The following ABCB11 variants were observed in gnomAD, a reference collection of about 807,000 sequenced individuals.
ABCB11 encodes the protein ATP binding cassette subfamily B member 11.
In ABCB11, 95 loss-of-function variants were observed where a neutral mutation model predicts 148.0. That is an observed-to-expected ratio of 0.64 (90% CI 0.54 to 0.76). ABCB11 has a LOEUF of 0.76. ABCB11 is among the 30% of genes least tolerant of loss of function. ABCB11 has a pLI of 0.00. For synonymous variants in ABCB11, 591 were observed against 555.4 expected, an observed-to-expected ratio of 1.06 and a Z score of -0.90; for missense variants, 1,523 against 1,617.8, an observed-to-expected ratio of 0.94 and a Z score of 1.01.
rs202231169 is a variant in ABCB11, at chr2:168,967,692, G to GA, written c.2075+734dup. Among the ~76,000 whole-genome samples, 701 of 151,128 alleles carry GA rather than the reference G, an allele frequency of 4.6e-3. 5 individuals are homozygous for GA. Among genetic ancestry groups the GA allele is most frequent in the African/African-American group, 0.016 (665 of 41,304 alleles). The stretch of plus-strand genomic sequence containing the variant: ...GCCTTTTAAAAATCTTCTGACTTAA[G>GA]AAAAAAAAATCTTGAATAACAGTTA... On this transcript the variant is annotated intron_variant, in intron 17 of 27. Coordinates refer to ENST00000650372, the MANE Select transcript of ABCB11 (RefSeq NM_003742.4).
rs778040359 is a variant in ABCB11, at chr2:168,958,089, G to A, written c.2218C>T (p.Pro740Ser). Residue 740 changes from proline (P) to serine (S), a missense_variant, in exon 19 of 28, where the codon CCA becomes TCA. Pro to Ser is a moderately conservative substitution (Grantham distance 74). Coordinates refer to ENST00000650372, the MANE Select transcript of ABCB11 (RefSeq NM_003742.4). The stretch of plus-strand genomic sequence containing the variant: ...CTGAATTTCAGAATCCTCCTAACTG[G>A]GGCAGGTTCAACTTCTTCCTGCACA... ...IPVQEEVEPA[P>S]VRRILKFSAP... is the part of the protein sequence containing the mutation. 2.5e-6 allele frequency: 4 copies of A among 1,611,100 alleles called. No homozygotes were observed. In the Admixed American group the frequency reaches 5.0e-5, roughly 20 times the overall value.
rs1691063582 is a variant in ABCB11, at chr2:168,921,119, A to G, written c.*2503T>C. On this transcript the variant is annotated 3_prime_UTR_variant, in exon 28 of 28. Coordinates refer to ENST00000650372, the MANE Select transcript of ABCB11 (RefSeq NM_003742.4). Reference sequence around the variant, plus strand: ...CAAACCTTAATTTCCTCTAAAAGGCATCTTTACTCTGCAACTTACTCGTCA... The same window carrying G: ...CAAACCTTAATTTCCTCTAAAAGGCGTCTTTACTCTGCAACTTACTCGTCA... 6.6e-6 allele frequency among the ~76,000 whole-genome samples: 1 copy of G among 152,178 alleles called. No homozygotes were observed. Among genetic ancestry groups the G allele is most frequent in the Non-Finnish European group, 1.5e-5 (1 of 68,028 alleles).
chr2:169,016,346 T>C (rs559856582), intron 3 of ABCB11, among the ~76,000 whole-genome samples: 1 of 152,342 alleles, frequency 6.6e-6, no homozygotes, highest in African/African-American at 2.4e-5. Flanking sequence ...TAATCCCGCC[T>C]TCATACCAGA....
intron 11 of ABCB11, among the ~76,000 whole-genome samples, chr2:168,979,361 C>T (rs1286953908): frequency 6.6e-6 from 1 of 152,134 alleles, no homozygotes; most frequent in East Asian, 1.9e-4. Flanking sequence ...GCTACCTCCT[C>T]AGAGATACTG....
chr2:169,003,638 G>C (rs1485415978), intron 5 of ABCB11, among the ~76,000 whole-genome samples: 22 of 152,020 alleles, frequency 1.4e-4, no homozygotes, highest in Non-Finnish European at 2.9e-5. Context: ...TCAAACGGTA[G>C]ATCTACGTTT....
intron 5 of ABCB11, among the ~76,000 whole-genome samples, chr2:168,999,843 A>G (rs565162302): frequency 1.3e-5 from 2 of 152,248 alleles, no homozygotes; most frequent in Non-Finnish European, 2.9e-5. Context: ...AATCCCCAAG[A>G]GTAGAAATGC....
chr2:168,977,800 C>T (rs7586497), intron 11 of ABCB11, among the ~76,000 whole-genome samples: 57,022 of 151,852 alleles, frequency 0.38, 10,975 homozygotes, highest in African/African-American at 0.42. Flanking sequence ...ACTTTAAAAC[C>T]GTCAGATCTC....
chr2:168,965,910 C>T (rs1020015361), intron 17 of ABCB11, among the ~76,000 whole-genome samples: 1 of 151,814 alleles, frequency 6.6e-6, no homozygotes, highest in African/African-American at 2.4e-5. Context: ...ATGGCACTTC[C>T]ATCCTCTTAG....
chr2:168,930,821 A>G lies in ABCB11; in HGVS notation c.3255T>C (p.Phe1085=), dbSNP rs1016688353. 1.9e-6 allele frequency: 3 copies of G among 1,610,768 alleles called. No homozygotes were observed. Among genetic ancestry groups the G allele is most frequent in the Non-Finnish European group, 2.5e-6 (3 of 1,178,502 alleles). The change falls in exon 25 of 28, where the codon TTT becomes TTC. Residue 1085 remains phenylalanine, a synonymous_variant. Transcript: ENST00000650372. ...QGKIDFVDCK[F]TYPSRPDSQV... ...GCGAGTCAGGTCGAGAAGGATATGT[A>G]AATTTACAATCAACAAAATCAATCT...
At chr2:168,952,258 A>T (rs1004238750) in intron 19 of ABCB11, among the ~76,000 whole-genome samples, 2 of 151,432 alleles carry the variant, frequency 1.3e-5, no homozygotes, top group Non-Finnish European at 3.0e-5. Flanking sequence ...AGTTAGGGAG[A>T]ATTCCCTCCT....
chr2:168,928,115 G>A (rs145546920), intron 25 of ABCB11, among the ~76,000 whole-genome samples: 3 of 152,148 alleles, frequency 2.0e-5, no homozygotes, highest in East Asian at 3.9e-4. Context: ...TGTGATAAAT[G>A]GTATGAACAG....
chr2:169,013,781 C>T (rs978261789), intron 4 of ABCB11, among the ~76,000 whole-genome samples: 1 of 152,118 alleles, frequency 6.6e-6, no homozygotes, highest in Non-Finnish European at 1.5e-5. Context: ...CAGGAGCTGA[C>T]TTTCGTTTTT....
At chr2:169,003,248 G>T (rs1694927600) in intron 5 of ABCB11, among the ~76,000 whole-genome samples, 1 of 151,468 alleles carries the variant, frequency 6.6e-6, no homozygotes, top group Non-Finnish European at 1.5e-5. Context: ...TAGAATAATA[G>T]TCTCCAATTC....
At chr2:168,999,499 C>T (rs1227025251) in intron 5 of ABCB11, among the ~76,000 whole-genome samples, 1 of 152,022 alleles carries the variant, frequency 6.6e-6, no homozygotes, top group Non-Finnish European at 1.5e-5. Context: ...ATCCCCATAT[C>T]CTCCTTAGCC....
downstream of ABCB11, among the ~76,000 whole-genome samples, chr2:168,918,013 T>G (rs1034377075): frequency 6.6e-6 from 1 of 150,932 alleles, no homozygotes; most frequent in East Asian, 1.9e-4. Flanking sequence ...AAATATACAA[T>G]TAGCATAAAT....
At position 168,944,692 on chromosome 2, in the gene ABCB11, C is replaced by T. The variant is rs367874361; in HGVS notation, c.2523G>A (p.Gly841=). Residue 841 remains glycine, a synonymous_variant, in exon 21 of 28, where the codon GGG becomes GGA. Transcript: ENST00000650372. ...LRKFGFRAML[G]QDIAWFDDLR... Reference sequence around the variant, plus strand: ...GGTCATCAAACCAGGCAATATCTTGCCCCAGCATTGCCCTGAAACCAAATT... The same window carrying T: ...GGTCATCAAACCAGGCAATATCTTGTCCCAGCATTGCCCTGAAACCAAATT... 13 of 1,612,884 alleles carry T rather than the reference C, an allele frequency of 8.1e-6. No homozygotes were observed. The East Asian group carries it at 1.3e-4, about 17-fold the overall frequency.
At chr2:168,917,820 C>G (rs1690969394), downstream of ABCB11, among the ~76,000 whole-genome samples, 4 of 152,246 alleles carry the variant, frequency 2.6e-5, no homozygotes, top group South Asian at 4.1e-4. Context: ...TCTGTGTTGT[C>G]CAACATAGTA....
At chr2:168,959,432 A>G (rs1174811242) in intron 18 of ABCB11, among the ~76,000 whole-genome samples, 1 of 151,638 alleles carries the variant, frequency 6.6e-6, no homozygotes, top group Non-Finnish European at 1.5e-5. Context: ...GAGCTCTTGG[A>G]AAAGCCCAAC....
chr2:168,956,843 C>T (rs853776), intron 19 of ABCB11, among the ~76,000 whole-genome samples: 76,431 of 151,294 alleles, frequency 0.51, 19,876 homozygotes, highest in South Asian at 0.65. Context: ...CAAGGATTTA[C>T]CCCATAGCCA....
Sources: gnomAD v4.1 joint callset for allele counts (sites outside exome capture counted in the v4.1 genomes callset) on GRCh38, gnomAD v4.1.1 for gene constraint, MANE v1.5 for transcripts, NCBI Gene and HGNC (gene_info 2026-07-23, HGNC 2026-07-21) for gene names.